SUMF1: variants seen among roughly 807,000 people sequenced by gnomAD.
SUMF1 encodes sulfatase modifying factor 1, also known as formylglycine-generating enzyme.
In SUMF1, 48 loss-of-function variants were observed where a neutral mutation model predicts 47.6. That is an observed-to-expected ratio of 1.01 (90% CI 0.80 to 1.28). SUMF1 has a LOEUF of 1.28. Ranked by LOEUF, SUMF1 falls within the 50% of genes most tolerant of loss-of-function variation. The pLI, the probability that SUMF1 is intolerant of heterozygous loss-of-function variation, is 0.00. For synonymous variants in SUMF1, 230 were observed against 192.1 expected, an observed-to-expected ratio of 1.20 and a Z score of -1.63; for missense variants, 571 against 485.4, an observed-to-expected ratio of 1.18 and a Z score of -1.66.
rs879663850 is a variant in SUMF1, at chr3:4,252,376, A to ACC, written c.1014+123953_1014+123954insGG. The stretch of plus-strand genomic sequence containing the variant: ...CGCACACACACACACACACACACAC[A>ACC]CACCCCACTGGCTGTTTAAAACATT... On this transcript the variant is annotated intron_variant and NMD_transcript_variant, in intron 8 of 12. Coordinates refer to the SUMF1 transcript ENST00000448413. 4.0e-3 allele frequency among the ~76,000 whole-genome samples: 566 copies of ACC among 142,404 alleles called. 3 individuals carry two copies. The highest frequency in any genetic ancestry group is 4.6e-3 in the Non-Finnish European group (287 of 62,974). 93.4% of individuals were successfully genotyped at this position (142,404 alleles called of 152,430 possible). A position where few individuals can be genotyped will look rare whatever the true frequency, so the allele number is the denominator to read the frequency against.
At chr3:4,435,129 G>A (rs919717570) in intron 3 of SUMF1, among the ~76,000 whole-genome samples, 3 of 152,090 alleles carry the variant, frequency 2.0e-5, no homozygotes, top group Non-Finnish European at 2.9e-5. Flanking sequence ...GTTTCACCAC[G>A]TTAGCCAGGC....
At chr3:4,368,961 T>G (rs1390466375) in intron 8 of SUMF1, among the ~76,000 whole-genome samples, 3 of 152,128 alleles carry the variant, frequency 2.0e-5, no homozygotes, top group African/African-American at 7.2e-5. Context: ...TAAAGAAGTT[T>G]CACAAAGCAA....
intron 8 of SUMF1, among the ~76,000 whole-genome samples, chr3:4,170,416 G>A (rs373550378): frequency 7.2e-5 from 11 of 152,264 alleles, no homozygotes; most frequent in African/African-American, 2.2e-4. Context: ...AAGTTCCAAT[G>A]GCCACACTTT....
intron 8 of SUMF1, among the ~76,000 whole-genome samples, chr3:4,122,092 A>G (rs1693558131): frequency 6.6e-6 from 1 of 152,104 alleles, no homozygotes; most frequent in African/African-American, 2.4e-5. Flanking sequence ...TGTATGTACC[A>G]CATTTTCTTT....
chr3:4,175,908 C>G (rs1001956145), intron 8 of SUMF1, among the ~76,000 whole-genome samples: 1 of 151,946 alleles, frequency 6.6e-6, no homozygotes, highest in Non-Finnish European at 1.5e-5. Flanking sequence ...GCTTCAATAG[C>G]CGATTTGATA....
At chr3:4,219,625 G>C (rs1696017542) in intron 8 of SUMF1, among the ~76,000 whole-genome samples, 1 of 152,134 alleles carries the variant, frequency 6.6e-6, no homozygotes, top group African/African-American at 2.4e-5. Flanking sequence ...CCATGGATCT[G>C]TATTTCCACC....
At chr3:4,434,077 A>T (rs1316210116) in intron 3 of SUMF1, among the ~76,000 whole-genome samples, 1 of 152,242 alleles carries the variant, frequency 6.6e-6, no homozygotes, top group African/African-American at 2.4e-5. Context: ...GGTACTTAGA[A>T]TAGGAGAATT....
chr3:4,309,097 A>G (rs952514386), intron 8 of SUMF1, among the ~76,000 whole-genome samples: 1 of 152,184 alleles, frequency 6.6e-6, no homozygotes, highest in South Asian at 2.1e-4. Flanking sequence ...AGGAATTGTT[A>G]TTGTCTAAAA....
downstream of SUMF1, among the ~76,000 whole-genome samples, chr3:4,358,568 T>C (rs550548038): frequency 2.1e-4 from 32 of 152,256 alleles, 1 homozygote; most frequent in African/African-American, 7.5e-4. Flanking sequence ...ACAAACCTTC[T>C]CATAATTTTA....
chr3:4,048,251 A>C (rs1044234524), intron 9 of SUMF1, among the ~76,000 whole-genome samples: 2 of 152,134 alleles, frequency 1.3e-5, no homozygotes, highest in African/African-American at 2.4e-5. Context: ...CATCCTCTGC[A>C]TTGGTCATAT....
intron 8 of SUMF1, among the ~76,000 whole-genome samples, chr3:4,180,016 A>G (rs1378270015): frequency 6.6e-6 from 1 of 152,200 alleles, no homozygotes; most frequent in Non-Finnish European, 1.5e-5. Flanking sequence ...ACCAGTTAGA[A>G]TGGCAATCAT....
At chr3:4,335,401 C>T (rs1699126490) in intron 8 of SUMF1, among the ~76,000 whole-genome samples, 1 of 152,184 alleles carries the variant, frequency 6.6e-6, no homozygotes, top group African/African-American at 2.4e-5. Flanking sequence ...TGACCTACAG[C>T]TACCAAATAC....
intron 8 of SUMF1, among the ~76,000 whole-genome samples, chr3:4,280,873 T>TGTG (rs1697515839): frequency 7.4e-6 from 1 of 135,392 alleles, no homozygotes; most frequent in Admixed American, 7.7e-5. Context: ...GTGTGTGTGT[T>TGTG]CTGTGTCCAA....
downstream of SUMF1, among the ~76,000 whole-genome samples, chr3:4,359,184 G>A (rs894448611): frequency 6.6e-5 from 10 of 152,196 alleles, no homozygotes; most frequent in Non-Finnish European, 1.3e-4. Context: ...ACATTATAAA[G>A]TGTAGTGACT....
At chr3:4,057,463 G>C (rs1695211914) in intron 9 of SUMF1, among the ~76,000 whole-genome samples, 1 of 152,100 alleles carries the variant, frequency 6.6e-6, no homozygotes. Flanking sequence ...CAAACTCATA[G>C]ACTTGTGTTG....
chr3:4,255,760 C>T (rs313656), intron 8 of SUMF1, among the ~76,000 whole-genome samples: 7,821 of 110,820 alleles, frequency 0.071, 175 homozygotes, highest in South Asian at 0.18. Context: ...CTGCACCAAG[C>T]GGACCTAATA....
chr3:4,284,911 T>C (rs146644862), intron 8 of SUMF1, among the ~76,000 whole-genome samples: 4 of 152,336 alleles, frequency 2.6e-5, no homozygotes, highest in African/African-American at 9.6e-5. Context: ...TACAAAGATT[T>C]AGCTGTTAAC....
chr3:4,085,018 T>C (rs541038997), intron 8 of SUMF1, among the ~76,000 whole-genome samples: 2 of 152,224 alleles, frequency 1.3e-5, no homozygotes, highest in Admixed American at 1.3e-4. Flanking sequence ...AAATAGATGA[T>C]GTCTATCTAC....
chr3:4,073,931 GA>G (rs1559447968), intron 8 of SUMF1, among the ~76,000 whole-genome samples: 2 of 152,086 alleles, frequency 1.3e-5, no homozygotes, highest in African/African-American at 4.8e-5. Context: ...ACAGATCAAG[GA>G]GACAGAAAAT....
Sources: gnomAD v4.1 joint callset for allele counts (sites outside exome capture counted in the v4.1 genomes callset) on GRCh38, gnomAD v4.1.1 for gene constraint, MANE v1.5 for transcripts, NCBI Gene and HGNC (gene_info 2026-07-23, HGNC 2026-07-21) for gene names.